GPI: variants seen among roughly 807,000 people sequenced by gnomAD.
GPI encodes the protein glucose-6-phosphate isomerase.
In GPI, 56 loss-of-function variants were observed where a neutral mutation model predicts 75.8. The ratio of observed to expected loss-of-function variants is 0.74; its 90% CI spans 0.60 to 0.92. The LOEUF is 0.92. Among genes scored for constraint, GPI ranks in the 40% least tolerant of loss-of-function variants. The pLI, the probability that GPI is intolerant of heterozygous loss-of-function variation, is 0.00. For missense variants in GPI, 638 were observed against 741.0 expected (o/e 0.86, Z 1.61); for synonymous variants, 288 against 285.4 (o/e 1.01, Z -0.09).
chr19:34,362,473 T>A (rs1341653854), upstream of GPI, among the ~76,000 whole-genome samples: 2 of 152,106 alleles, frequency 1.3e-5, no homozygotes, highest in African/African-American at 4.8e-5. Context: ...ATCAGAGGCC[T>A]CACCTCCTGC....
intron 4 of GPI, among the ~76,000 whole-genome samples, chr19:34,369,936 A>G (rs1599808934): frequency 6.6e-6 from 1 of 152,344 alleles, no homozygotes; most frequent in Non-Finnish European, 1.5e-5. Context: ...ATAAATTTAA[A>G]AAATAGAAAA....
At chr19:34,390,482 A>AG (rs1341140218) in intron 9 of GPI, among the ~76,000 whole-genome samples, 2 of 151,828 alleles carry the variant, frequency 1.3e-5, no homozygotes, top group Non-Finnish European at 2.9e-5. Context: ...GTGCTGGAAG[A>AG]GGTATCCAAG....
At position 34,394,091 on chromosome 19, in the gene GPI, G is replaced by A. The variant is rs772348715; in HGVS notation, c.1062+25G>A. On this transcript the variant is annotated intron_variant, in intron 12 of 17. Coordinates refer to ENST00000356487, the MANE Select transcript of GPI (RefSeq NM_000175.5). ...GGTACCAGCTGCCAAGCCAGGCCTTGGAGTCAGCAAGATTTGTGGGGGGTC... is the reference window on the plus strand; with the variant it reads ...GGTACCAGCTGCCAAGCCAGGCCTTAGAGTCAGCAAGATTTGTGGGGGGTC... 3 of 1,592,034 alleles carry A rather than the reference G, an allele frequency of 1.9e-6. No individual in the cohort carries two copies. The South Asian group carries it at 3.3e-5, about 18-fold the overall frequency.
Position 34,394,070 on chromosome 19 carries a change from C to T in GPI, c.1062+4C>T, listed in dbSNP as rs1235915894. On this transcript the variant is annotated splice_donor_region_variant and intron_variant, in intron 12 of 17. Coordinates refer to ENST00000356487, the MANE Select transcript of GPI (RefSeq NM_000175.5). ...CTTTGCTGCGTACTTCCAGCAGGTA[C>T]CAGCTGCCAAGCCAGGCCTTGGAGT... 1.9e-6 allele frequency: 3 copies of T among 1,608,266 alleles called. No homozygotes were observed. The East Asian group carries it at 6.7e-5, about 36-fold the overall frequency.
At chr19:34,374,024 A>G (rs1055489396) in intron 4 of GPI, among the ~76,000 whole-genome samples, 1 of 151,700 alleles carries the variant, frequency 6.6e-6, no homozygotes, top group African/African-American at 2.4e-5. Context: ...CCAGAGTACA[A>G]TGGCGTGATC....
chr19:34,394,133 C>T (rs901744148), intron 12 of GPI, 67 bp downstream of exon 12: 42 of 1,299,878 alleles, frequency 3.2e-5, no homozygotes, highest in Admixed American at 1.4e-4. Context: ...GTCTAGGAAC[C>T]TGGGTTTCAG....
rs1432529678 is a variant in GPI, at chr19:34,400,201, C to T, written c.*165C>T. On this transcript the variant is annotated 3_prime_UTR_variant, in exon 18 of 18. Transcript: ENST00000356487. ...AAGGCTGGTCTCCCCCAGCCTAACCCCCAGCCCCTCCATGTCTATGCTCCC... is the reference window on the plus strand; with the variant it reads ...AAGGCTGGTCTCCCCCAGCCTAACCTCCAGCCCCTCCATGTCTATGCTCCC... 4.2e-6 allele frequency: 3 copies of T among 722,628 alleles called. No homozygotes were observed. The highest frequency in any genetic ancestry group is 7.4e-6 in the Non-Finnish European group (3 of 406,298). The allele number at this position is 722,628 out of a possible 1,614,324, so 44.8% of individuals were successfully genotyped here. A position where few individuals can be genotyped will look rare whatever the true frequency, so the allele number is the denominator to read the frequency against.
In GPI at chr19:34,365,196, G is replaced by A; in HGVS notation, c.-71G>A. The A allele has an allele frequency of 7.3e-7, 1 of 1,375,748 alleles. No individual in the cohort carries two copies. Among genetic ancestry groups the A allele is most frequent in the Non-Finnish European group, 9.4e-7 (1 of 1,060,930 alleles). 85.2% of individuals were successfully genotyped at this position (1,375,748 alleles called of 1,614,324 possible). ...AGGCCGCCGCGCGCCCACGCGCCTC[G>A]CTTGCTGCGCGCTGCCGGCGCTCCT... On this transcript the variant is annotated 5_prime_UTR_variant, in exon 1 of 18. Coordinates refer to ENST00000356487, the MANE Select transcript of GPI (RefSeq NM_000175.5).
intron 3 of GPI, 77 bp from the exon 4 acceptor site, chr19:34,368,506 T>C (rs1426860433): frequency 5.2e-6 from 8 of 1,538,186 alleles, no homozygotes; most frequent in Non-Finnish European, 7.2e-6. Context: ...GGCCGAGCTA[T>C]GGCACCATGC....
At chr19:34,363,860 T>C (rs1018330642), upstream of GPI, among the ~76,000 whole-genome samples, 1 of 152,096 alleles carries the variant, frequency 6.6e-6, no homozygotes, top group Non-Finnish European at 1.5e-5. Context: ...GTAGAACAGA[T>C]ACTGTTCAGC....
chr19:34,393,778 G>T lies in GPI; in HGVS notation c.909+7G>T. On this transcript the variant is annotated splice_region_variant and intron_variant, in intron 11 of 17. Transcript: ENST00000356487. This position sits in a 1 kb window ranked among gnomAD's most constrained non-coding sequence, Gnocchi z 4.4. ...CTCGGGGGCTCACTGGATGGTGAGT[G>T]CTGAGGCTGGTTCTCTGCCAAGTGC... 1 of 1,612,752 alleles carries T rather than the reference G, an allele frequency of 6.2e-7. No individual in the cohort carries two copies.
At position 34,387,298 on chromosome 19, in the gene GPI, G is replaced by A. The variant is rs376896006; in HGVS notation, c.804+5779G>A. Among the ~76,000 whole-genome samples, 91 of 152,252 alleles carry A rather than the reference G, an allele frequency of 6.0e-4. 1 individual carries two copies. The highest frequency in any genetic ancestry group is 2.1e-3 in the African/African-American group (87 of 41,548). ...TGCTCAGTGCTGGTATGTTTATCTGGTGTTGTCAGTGAGTCTGCCGATGCA... is the reference window on the plus strand; with the variant it reads ...TGCTCAGTGCTGGTATGTTTATCTGATGTTGTCAGTGAGTCTGCCGATGCA... On this transcript the variant is annotated intron_variant, in intron 9 of 17. Transcript: ENST00000356487.
chr19:34,396,934 C>T (rs1214266503), intron 14 of GPI, among the ~76,000 whole-genome samples: 1 of 152,170 alleles, frequency 6.6e-6, no homozygotes, highest in Non-Finnish European at 1.5e-5. Context: ...CCTCAGCCTC[C>T]CAAGTAGCTG....
intron 4 of GPI, among the ~76,000 whole-genome samples, chr19:34,376,095 T>G (rs750631477): frequency 1.3e-5 from 2 of 152,060 alleles, no homozygotes; most frequent in Non-Finnish European, 2.9e-5. Context: ...AAGAGTCTAG[T>G]TGGTGGTGAG....
intron 4 of GPI, 108 bp downstream of exon 4, chr19:34,368,810 G>C: frequency 3.1e-6 from 4 of 1,281,624 alleles, no homozygotes; most frequent in Non-Finnish European, 4.5e-6. Context: ...CAGGACTCAG[G>C]TTCTCACTGC....
intron 4 of GPI, among the ~76,000 whole-genome samples, chr19:34,370,213 A>G (rs374839292): frequency 3.9e-5 from 6 of 152,120 alleles, no homozygotes; most frequent in African/African-American, 1.2e-4. Context: ...CTCAGTGTCT[A>G]CCCTAGCGGT....
rs2074558981 is a variant in GPI at position 34,377,336 on chromosome 19, A to AAAAAATAT, written c.403-166_403-165insAAAATATA. 1.2e-4 allele frequency among the ~76,000 whole-genome samples: 6 copies of AAAAAATAT among 49,320 alleles called. 1 individual carries two copies. The highest frequency in any genetic ancestry group is 1.9e-4 in the Non-Finnish European group (6 of 31,610). The allele number at this position is 49,320 out of a possible 152,430, so 32.4% of individuals were successfully genotyped here. A position where few individuals can be genotyped will look rare whatever the true frequency, so the allele number is the denominator to read the frequency against. ...AAAAAAAAAAAAAAAAAAAAAAAAA[A>AAAAAATAT]ATATATATATATATATATATATGGT... is the stretch of plus-strand genomic sequence containing the variant. On this transcript the variant is annotated intron_variant, in intron 4 of 17. Coordinates refer to ENST00000356487, the MANE Select transcript of GPI (RefSeq NM_000175.5).
intron 3 of GPI, among the ~76,000 whole-genome samples, chr19:34,368,335 G>T (rs1315794193): frequency 6.6e-6 from 1 of 152,164 alleles, no homozygotes; most frequent in Non-Finnish European, 1.5e-5. Flanking sequence ...CAGGCCTTCG[G>T]GGCCTGTCCT....
intron 4 of GPI, among the ~76,000 whole-genome samples, chr19:34,373,338 G>A (rs1339795934): frequency 6.6e-6 from 1 of 151,130 alleles, no homozygotes; most frequent in Non-Finnish European, 1.5e-5. Context: ...ACTGAGAGCT[G>A]AGATGGCGCC....
Sources: gnomAD v4.1 joint callset for allele counts (sites outside exome capture counted in the v4.1 genomes callset) on GRCh38, gnomAD v4.1.1 for gene constraint, Gnocchi (gnomAD v3.1) non-coding constraint, MANE v1.5 for transcripts, NCBI Gene and HGNC (gene_info 2026-07-23, HGNC 2026-07-21) for gene names.